The following PRTG variants were observed in gnomAD, a reference collection of about 807,000 sequenced individuals.
PRTG encodes the protein immunoglobulin superfamily, DCC subclass, member 5.
In PRTG, 67 loss-of-function variants were observed where a neutral mutation model predicts 122.5. The observed-to-expected ratio is 0.55, with a 90% CI of 0.45 to 0.67. PRTG has a LOEUF of 0.67. PRTG is among the 30% of genes least tolerant of loss of function. The pLI is 0.00. For missense variants in PRTG, 1,435 were observed against 1,415.4 expected (o/e 1.01, Z -0.22); for synonymous variants, 554 against 501.1 (o/e 1.11, Z -1.41).
At chr15:55,727,149 A>G (rs895427121) in intron 2 of PRTG, among the ~76,000 whole-genome samples, 4 of 152,068 alleles carry the variant, frequency 2.6e-5, no homozygotes, top group East Asian at 1.9e-4. Flanking sequence ...AGGGAAGGAA[A>G]TAATTAAGAC....
intron 2 of PRTG, among the ~76,000 whole-genome samples, chr15:55,704,275 C>T (rs1322191637): frequency 2.6e-5 from 4 of 152,140 alleles, no homozygotes; most frequent in Admixed American, 1.3e-4. Context: ...CACTTTGCAT[C>T]GGTCACAGAA....
intron 2 of PRTG, among the ~76,000 whole-genome samples, chr15:55,697,351 G>A (rs971506435): frequency 2.0e-5 from 3 of 152,144 alleles, no homozygotes; most frequent in Admixed American, 2.0e-4. Flanking sequence ...GCATACAACA[G>A]GCACTCGATA....
chr15:55,691,680 C>CAA (rs765414935), intron 2 of PRTG, among the ~76,000 whole-genome samples: 19 of 85,830 alleles, frequency 2.2e-4, no homozygotes, highest in African/African-American at 5.8e-4. Context: ...GACTCCATCT[C>CAA]AAAAAAAAAA....
intron 11 of PRTG, among the ~76,000 whole-genome samples, chr15:55,661,223 C>T (rs1471511482): frequency 6.6e-6 from 1 of 152,100 alleles, no homozygotes; most frequent in Non-Finnish European, 1.5e-5. Context: ...TCCCTGAGTA[C>T]AAGAGAGACA....
chr15:55,671,547 C>T (rs1216235093), intron 11 of PRTG, among the ~76,000 whole-genome samples: 11 of 151,970 alleles, frequency 7.2e-5, no homozygotes, highest in Non-Finnish European at 4.4e-5. Context: ...CAGGCTGGAG[C>T]GTAGTGGCGC....
intron 13 of PRTG, 48 bp downstream of exon 13, chr15:55,639,594 G>A (rs763763743): frequency 1.2e-5 from 18 of 1,518,738 alleles, no homozygotes; most frequent in Non-Finnish European, 1.5e-5. Context: ...TGGAGTGGGG[G>A]TGTGGTGAGG....
chr15:55,718,449 C>T (rs2030682974), intron 2 of PRTG, among the ~76,000 whole-genome samples: 1 of 151,962 alleles, frequency 6.6e-6, no homozygotes, highest in Non-Finnish European at 1.5e-5. Context: ...TTTTCTACAC[C>T]TTGTGACCCC....
chr15:55,715,981 T>G (rs954406574), intron 2 of PRTG, among the ~76,000 whole-genome samples: 2 of 152,236 alleles, frequency 1.3e-5, no homozygotes, highest in Non-Finnish European at 2.9e-5. Flanking sequence ...CATTAGCTCA[T>G]TTTTACAGAT....
rs541502843 is a variant in PRTG at position 55,649,181 on chromosome 15, T to G, written c.2042-7973A>C. Among the ~76,000 whole-genome samples, 3 of 152,104 alleles carry G rather than the reference T, an allele frequency of 2.0e-5. No homozygotes were observed. The South Asian group carries it at 6.2e-4, about 32-fold the overall frequency. On this transcript the variant is annotated intron_variant, in intron 11 of 19. Transcript: ENST00000389286. ...TACAGTGAGTGGATGCTGAGCCAAA[T>G]AGAAGACAACATTCCTAATGACTCA... is the stretch of plus-strand genomic sequence containing the variant.
intron 11 of PRTG, 113 bp downstream of exon 11, chr15:55,672,332 A>T: frequency 1.2e-6 from 1 of 847,746 alleles, no homozygotes; most frequent in Non-Finnish European, 1.9e-6. Context: ...TAGTAAAATC[A>T]ATTCTTTTCT....
At chr15:55,737,927 C>T (rs2031463562) in intron 2 of PRTG, among the ~76,000 whole-genome samples, 1 of 147,632 alleles carries the variant, frequency 6.8e-6, no homozygotes, top group Admixed American at 6.8e-5. Context: ...AGAGAACTAG[C>T]TTTAAAAACA....
intron 2 of PRTG, among the ~76,000 whole-genome samples, chr15:55,722,483 G>A (rs1437304541): frequency 6.6e-6 from 1 of 152,184 alleles, no homozygotes; most frequent in Non-Finnish European, 1.5e-5. Flanking sequence ...TCTACAATGT[G>A]CAAAGCATTT....
chr15:55,639,918 A>T, intron 12 of PRTG, 90 bp from the exon 13 acceptor site: 2 of 1,515,182 alleles, frequency 1.3e-6, no homozygotes, highest in Admixed American at 4.3e-5. Flanking sequence ...ATCCCACCCT[A>T]TAAGTTGATT....
chr15:55,741,430 T>C (rs781494480), intron 1 of PRTG, among the ~76,000 whole-genome samples: 2 of 152,354 alleles, frequency 1.3e-5, no homozygotes, highest in South Asian at 2.1e-4. Context: ...GTCCTTACTG[T>C]CTAATAGGGA....
intron 2 of PRTG, among the ~76,000 whole-genome samples, chr15:55,732,873 T>C (rs1367720535): frequency 1.3e-5 from 2 of 152,088 alleles, no homozygotes; most frequent in Admixed American, 6.6e-5. Context: ...CCAATTTAGG[T>C]AGTAGGCCAA....
rs200167052 is a variant in PRTG, at chr15:55,639,816, C to A, written c.2150G>T (p.Arg717Leu). The A allele has an allele frequency of 3.7e-6, 6 of 1,613,460 alleles. No individual in the cohort carries two copies. Among genetic ancestry groups the A allele is most frequent in the East Asian group, 2.2e-5 (1 of 44,888 alleles). ...GGGTGGTGGTGGAGGAGGGACCATG[C>A]GATCACGAACAGCTATTGAGAAAAA... Reference protein sequence around the residue: ...STPGCVSVRDRMVPPPPPPHH... With the variant: ...STPGCVSVRDLMVPPPPPPHH... The change falls in exon 13 of 20, where the codon CGC becomes CTC. Residue 717 changes from arginine to leucine, a missense_variant. Arg to Leu is a moderately radical substitution (Grantham distance 102). Transcript: ENST00000389286.
intron 2 of PRTG, among the ~76,000 whole-genome samples, chr15:55,714,849 C>T (rs1244505763): frequency 1.3e-5 from 2 of 152,080 alleles, no homozygotes; most frequent in African/African-American, 2.4e-5. Context: ...TCCTTAAAAA[C>T]CTCTGTGTTT....
At chr15:55,628,012 G>C (rs1300981671) in intron 16 of PRTG, among the ~76,000 whole-genome samples, 1 of 152,124 alleles carries the variant, frequency 6.6e-6, no homozygotes, top group African/African-American at 2.4e-5. Context: ...TATGAGCCTT[G>C]CTTTCCATTT....
chr15:55,726,580 C>T (rs1295709295), intron 2 of PRTG, among the ~76,000 whole-genome samples: 3 of 149,636 alleles, frequency 2.0e-5, no homozygotes, highest in African/African-American at 7.4e-5. Context: ...TACAGTGAGC[C>T]GAGGCTATGC....
Sources: allele counts gnomAD v4.1 joint callset (sites outside exome capture counted in the v4.1 genomes callset), GRCh38; gene constraint gnomAD v4.1.1; transcripts MANE v1.5; gene names NCBI Gene and HGNC (gene_info 2026-07-23, HGNC 2026-07-21).